Variants in CTNNAL1 observed in about 807,000 individuals in gnomAD.
CTNNAL1 encodes catenin alpha like 1.
In CTNNAL1, 69 loss-of-function variants were observed where a neutral mutation model predicts 93.6. That is an observed-to-expected ratio of 0.74 (90% CI 0.61 to 0.90). The LOEUF (loss-of-function observed/expected upper bound fraction) is 0.90, where lower values mean the gene tolerates loss of function less well. CTNNAL1 is among the 40% of genes least tolerant of loss of function. CTNNAL1 has a pLI of 0.00. For synonymous variants in CTNNAL1, 286 were observed against 305.4 expected, an observed-to-expected ratio of 0.94 and a Z score of 0.66; for missense variants, 836 against 862.0, an observed-to-expected ratio of 0.97 and a Z score of 0.38.
chr9:108,973,118 G>C (rs941303894), intron 8 of CTNNAL1, among the ~76,000 whole-genome samples: 12 of 152,156 alleles, frequency 7.9e-5, no homozygotes, highest in African/African-American at 2.4e-4. Context: ...CAGTGGTAAT[G>C]CTGTTTCTAG....
intron 15 of CTNNAL1, 140 bp downstream of exon 15, chr9:108,948,038 CTTTCTACT>C (rs1830454953): frequency 1.1e-6 from 1 of 896,848 alleles, no homozygotes; most frequent in African/African-American, 1.8e-5. Context: ...AGCCATCTAC[CTTTCTACT>C]TTTCTACTGC....
At chr9:108,968,471 G>A (rs1454004434) in intron 10 of CTNNAL1, among the ~76,000 whole-genome samples, 10 of 152,218 alleles carry the variant, frequency 6.6e-5, no homozygotes, top group Non-Finnish European at 1.2e-4. Context: ...AGCAGGGCCT[G>A]AGGATAGGAG....
intron 8 of CTNNAL1, among the ~76,000 whole-genome samples, 154 bp downstream of exon 8, chr9:108,976,808 C>T (rs1339668251): frequency 3.3e-5 from 5 of 152,114 alleles, no homozygotes; most frequent in African/African-American, 9.7e-5. Flanking sequence ...GCTGGAATTA[C>T]GGGCATGAGC....
At chr9:108,974,829 A>G (rs574422640) in intron 8 of CTNNAL1, among the ~76,000 whole-genome samples, 7 of 152,276 alleles carry the variant, frequency 4.6e-5, no homozygotes, top group Non-Finnish European at 7.4e-5. Context: ...AAAAATAAGA[A>G]AATTTTTTTA....
intron 1 of CTNNAL1, 104 bp downstream of exon 1, chr9:109,013,198 G>T: frequency 7.5e-7 from 1 of 1,326,946 alleles, no homozygotes; most frequent in Non-Finnish European, 9.8e-7. Context: ...TGCCGGCGCG[G>T]AAAGTGGGGC....
intron 11 of CTNNAL1, among the ~76,000 whole-genome samples, chr9:108,957,024 AT>A (rs1316422187): frequency 6.6e-6 from 1 of 151,544 alleles, no homozygotes; most frequent in Admixed American, 6.6e-5. Flanking sequence ...TAAAATATTG[AT>A]TATATGTTTA....
At chr9:108,950,836 G>T in intron 14 of CTNNAL1, 1 of 407,556 alleles carries the variant, frequency 2.5e-6, no homozygotes, top group Non-Finnish European at 4.3e-6. Context: ...GTCCCTATGA[G>T]GTAAGACTTT....
rs1275243585 is a variant in CTNNAL1 at position 109,013,391 on chromosome 9, C to T, written c.52G>A (p.Gly18Ser). Reference protein sequence around the residue: ...AGVGGAGAVYGSGSSGFALDS... With the variant: ...AGVGGAGAVYSSGSSGFALDS... ...AGGGCGAAGCCCGAAGAGCCGGAGC[C>T]GTAGACTGCTCCGGCGCCGCCAACG... Residue 18 changes from glycine (G) to serine (S), a missense_variant, in exon 1 of 19, where the codon GGC (glycine) becomes AGC (serine). By Grantham distance (56) the Gly-to-Ser change is moderately conservative (BLOSUM62 0). Coordinates refer to ENST00000325551, the MANE Select transcript of CTNNAL1 (RefSeq NM_003798.4). 5 of 1,503,260 alleles carry T rather than the reference C, an allele frequency of 3.3e-6. No homozygotes were observed. Among genetic ancestry groups the T allele is most frequent in the African/African-American group, 2.9e-5 (2 of 68,788 alleles). 93.1% of individuals were successfully genotyped at this position (1,503,260 alleles called of 1,614,324 possible). A position where few individuals can be genotyped will look rare whatever the true frequency, so the allele number is the denominator to read the frequency against.
At chr9:109,001,394 G>T (rs1030591869) in intron 1 of CTNNAL1, among the ~76,000 whole-genome samples, 4 of 152,112 alleles carry the variant, frequency 2.6e-5, no homozygotes, top group Non-Finnish European at 5.9e-5. Context: ...TTTAAAACAT[G>T]TCCACAAATT....
intron 7 of CTNNAL1, 118 bp downstream of exon 7, chr9:108,979,163 C>A: frequency 7.9e-7 from 1 of 1,263,352 alleles, no homozygotes; most frequent in Non-Finnish European, 1.1e-6. Flanking sequence ...GATGAGATAT[C>A]CTGTCCCATT....
At chr9:108,973,961 TA>T (rs1831190011) in intron 8 of CTNNAL1, among the ~76,000 whole-genome samples, 2 of 152,194 alleles carry the variant, frequency 1.3e-5, no homozygotes, top group Non-Finnish European at 2.9e-5. Flanking sequence ...AAATGCCACA[TA>T]AGAACTTAAA....
chr9:108,983,125 T>C lies in CTNNAL1; in HGVS notation c.900+20A>G. Reference sequence around the variant, plus strand: ...TAAAATAAGAAGAGAAAAATAAAAATATACTCTCTTTATTCTTACCTTGAA... The same window carrying C: ...TAAAATAAGAAGAGAAAAATAAAAACATACTCTCTTTATTCTTACCTTGAA... On this transcript the variant is annotated intron_variant, in intron 6 of 18. Coordinates refer to ENST00000325551, the MANE Select transcript of CTNNAL1 (RefSeq NM_003798.4). 7.1e-7 allele frequency: 1 copy of C among 1,403,688 alleles called. No homozygotes were observed. The highest frequency in any genetic ancestry group is 9.3e-7 in the Non-Finnish European group (1 of 1,073,816). 87.0% of individuals were successfully genotyped at this position (1,403,688 alleles called of 1,614,324 possible).
intron 15 of CTNNAL1, among the ~76,000 whole-genome samples, chr9:108,945,493 ACT>A (rs1830374459): frequency 7.2e-6 from 1 of 138,366 alleles, no homozygotes; most frequent in Admixed American, 7.6e-5. Context: ...ACAGGGTCTC[ACT>A]CTGTTGTCCA....
At chr9:108,995,908 C>A (rs1458729949) in intron 2 of CTNNAL1, among the ~76,000 whole-genome samples, 1 of 151,844 alleles carries the variant, frequency 6.6e-6, no homozygotes, top group Non-Finnish European at 1.5e-5. Flanking sequence ...ATATACCCTG[C>A]TTGCAAGTAG....
chr9:108,954,920 CTGT>C (rs780603740), intron 12 of CTNNAL1, among the ~76,000 whole-genome samples: 1 of 152,076 alleles, frequency 6.6e-6, no homozygotes, highest in Non-Finnish European at 1.5e-5. Context: ...TACTCACCAT[CTGT>C]TGTTCTTCAC....
chr9:108,950,729 G>T, intron 14 of CTNNAL1: 1 of 1,172,732 alleles, frequency 8.5e-7, no homozygotes, highest in South Asian at 1.6e-5. Flanking sequence ...AAAATAAATT[G>T]AACACATTAA....
intron 10 of CTNNAL1, among the ~76,000 whole-genome samples, chr9:108,968,984 G>A (rs1485044331): frequency 6.6e-6 from 1 of 152,012 alleles, no homozygotes; most frequent in Non-Finnish European, 1.5e-5. Flanking sequence ...TAAGAAAGAA[G>A]GAAACAGCTG....
At chr9:108,997,268 C>T (rs918126350) in intron 2 of CTNNAL1, among the ~76,000 whole-genome samples, 12 of 152,124 alleles carry the variant, frequency 7.9e-5, no homozygotes, top group African/African-American at 2.9e-4. Flanking sequence ...TTTGTGCACT[C>T]TTCCTGCTCT....
At chr9:108,966,732 A>G (rs1254289865) in intron 10 of CTNNAL1, among the ~76,000 whole-genome samples, 1 of 19,654 alleles carries the variant, frequency 5.1e-5, no homozygotes, top group Admixed American at 7.2e-4. Flanking sequence ...GAATGAATTA[A>G]TGAATAACTA....
Sources: gnomAD v4.1 joint callset for allele counts (sites outside exome capture counted in the v4.1 genomes callset) on GRCh38, gnomAD v4.1.1 for gene constraint, MANE v1.5 for transcripts, NCBI Gene and HGNC (gene_info 2026-07-23, HGNC 2026-07-21) for gene names.